PAPSS2: variants seen among roughly 807,000 people sequenced by gnomAD.
PAPSS2 encodes the protein 3'-phosphoadenosine 5'-phosphosulfate synthase 2, also known as bifunctional 3'-phosphoadenosine 5'-phosphosulfate synthase 2.
In PAPSS2, 61 loss-of-function variants were observed where a neutral mutation model predicts 66.5. The observed-to-expected ratio is 0.92, with a 90% CI of 0.75 to 1.14. The LOEUF (loss-of-function observed/expected upper bound fraction) is 1.14. Ranked by LOEUF, PAPSS2 falls within the 50% of genes most tolerant of loss-of-function variation. PAPSS2 has a pLI of 0.00. For missense variants in PAPSS2, 708 were observed against 789.6 expected (o/e 0.90, Z 1.24); for synonymous variants, 289 against 287.5 (o/e 1.01, Z -0.05).
chr10:87,684,935 CTCTG>C (rs1853069243), intron 1 of PAPSS2, among the ~76,000 whole-genome samples: 1 of 152,186 alleles, frequency 6.6e-6, no homozygotes, highest in African/African-American at 2.4e-5. Context: ...TTTGATCTGT[CTCTG>C]TCTTTCTTTT....
chr10:87,742,959 G>T (rs2131730733), intron 10 of PAPSS2, among the ~76,000 whole-genome samples: 1 of 152,318 alleles, frequency 6.6e-6, no homozygotes, highest in African/African-American at 2.4e-5. Context: ...AGAAGCCAGT[G>T]GATAGGCTGG....
intron 9 of PAPSS2, among the ~76,000 whole-genome samples, chr10:87,730,291 G>A (rs1046965627): frequency 1.3e-5 from 2 of 152,180 alleles, no homozygotes; most frequent in African/African-American, 4.8e-5. Flanking sequence ...GGGTAGAGAA[G>A]CTTATATACC....
chr10:87,736,073 G>C (rs1340560701), intron 9 of PAPSS2, among the ~76,000 whole-genome samples: 1 of 152,124 alleles, frequency 6.6e-6, no homozygotes, highest in Non-Finnish European at 1.5e-5. Flanking sequence ...AAAGGTACTT[G>C]GGGTTTGATT....
In PAPSS2 at chr10:87,745,853, C is replaced by A. The variant is rs1184863463; in HGVS notation, c.1743C>A (p.Ile581=). 1 of 1,613,950 alleles carries A rather than the reference C, an allele frequency of 6.2e-7. No homozygotes were observed. Among genetic ancestry groups the A allele is most frequent in the Non-Finnish European group, 8.5e-7 (1 of 1,179,984 alleles). The change falls in exon 13 of 13, where the codon ATC becomes ATA. Residue 581 remains isoleucine, a synonymous_variant. Transcript: ENST00000456849. The part of the protein sequence containing the change: ...DPARHNEFDF[I]SGTRMRKLAR... Reference sequence around the variant, plus strand: ...ACAGGCACAATGAGTTTGACTTCATCTCAGGAACTCGAATGAGGAAGCTCG... The same window carrying A: ...ACAGGCACAATGAGTTTGACTTCATATCAGGAACTCGAATGAGGAAGCTCG...
At chr10:87,683,058 CTTT>C (rs1170910049) in intron 1 of PAPSS2, among the ~76,000 whole-genome samples, 1 of 149,796 alleles carries the variant, frequency 6.7e-6, no homozygotes, top group Non-Finnish European at 1.5e-5. Flanking sequence ...TTTTCTTTTT[CTTT>C]TTTTTCTTTT....
At chr10:87,711,351 A>C (rs1853460858) in intron 2 of PAPSS2, among the ~76,000 whole-genome samples, 1 of 152,272 alleles carries the variant, frequency 6.6e-6, no homozygotes, top group Non-Finnish European at 1.5e-5. Flanking sequence ...GTGTTACCTC[A>C]ATGTATGAAA....
rs374296259 is a variant in PAPSS2, at chr10:87,686,990, A to C, written c.28-22206A>C. ...TAAATTTGAACTTCAGACAAACAAG[A>C]AATACTTTTTTGATATAAGTATGTC... On this transcript the variant is annotated intron_variant, in intron 1 of 12. Transcript: ENST00000456849. Among the ~76,000 whole-genome samples the C allele has an allele frequency of 6.6e-5, 10 of 152,332 alleles. 1 individual carries two copies. Among genetic ancestry groups the C allele is most frequent in the African/African-American group, 2.4e-4 (10 of 41,582 alleles).
In PAPSS2 at chr10:87,727,421, G is replaced by A. The variant is rs1412210375; in HGVS notation, c.1018G>A (p.Glu340Lys). ...TATCTTACGAGACGCTGAATTCTAT[G>A]AACACAGAAAAGAGGAACGCTGTTC... ...VAILRDAEFYEHRKEERCSRV... is the reference protein window; with the variant it reads ...VAILRDAEFYKHRKEERCSRV... The change falls in exon 9 of 13, where the codon GAA becomes AAA. Residue 340 changes from glutamate (E) to lysine (K), a missense_variant. By Grantham distance (56) the Glu-to-Lys change is moderately conservative. Coordinates refer to ENST00000456849, the MANE Select transcript of PAPSS2 (RefSeq NM_001015880.2). The A allele has an allele frequency of 1.9e-6, 3 of 1,614,106 alleles. No individual in the cohort carries two copies. Among genetic ancestry groups the A allele is most frequent in the Non-Finnish European group, 2.5e-6 (3 of 1,180,012 alleles).
intron 7 of PAPSS2, among the ~76,000 whole-genome samples, chr10:87,718,496 G>A (rs973688354): frequency 6.6e-6 from 1 of 152,204 alleles, no homozygotes; most frequent in African/African-American, 2.4e-5. Flanking sequence ...AAGCCTACTA[G>A]TTCCAAGCCC....
chr10:87,680,929 T>C (rs185728644), intron 1 of PAPSS2, among the ~76,000 whole-genome samples: 2 of 152,340 alleles, frequency 1.3e-5, no homozygotes, highest in Admixed American at 6.5e-5. Context: ...TTGTGTGCAA[T>C]TGGAATTTGT....
intron 9 of PAPSS2, among the ~76,000 whole-genome samples, chr10:87,738,476 A>G (rs548589140): frequency 6.6e-6 from 1 of 152,004 alleles, no homozygotes; most frequent in Admixed American, 6.6e-5. Flanking sequence ...TGACGCAATC[A>G]TGGCTCACTG....
chr10:87,744,787 T>C (rs1011260839), intron 11 of PAPSS2, among the ~76,000 whole-genome samples: 1 of 152,208 alleles, frequency 6.6e-6, no homozygotes, highest in South Asian at 2.1e-4. Context: ...CCTTGAGTTA[T>C]GAGGGAGGAA....
At chr10:87,744,109 AAAAG>A (rs1853908341) in intron 11 of PAPSS2, among the ~76,000 whole-genome samples, 1 of 152,186 alleles carries the variant, frequency 6.6e-6, no homozygotes, top group South Asian at 2.1e-4. Context: ...CTCAAAAAAA[AAAAG>A]AAAGATGCTA....
At chr10:87,734,533 C>CTCT (rs1173758990) in intron 9 of PAPSS2, among the ~76,000 whole-genome samples, 2 of 151,706 alleles carry the variant, frequency 1.3e-5, no homozygotes, top group Non-Finnish European at 2.9e-5. Flanking sequence ...TGCACTTGAA[C>CTCT]TCTGCCACTT....
At chr10:87,704,685 A>G (rs549957361) in intron 1 of PAPSS2, among the ~76,000 whole-genome samples, 178 of 152,310 alleles carry the variant, frequency 1.2e-3, no homozygotes, top group African/African-American at 4.2e-3. Flanking sequence ...TCTTTTGCCC[A>G]GGATGGAGTG....
intron 1 of PAPSS2, among the ~76,000 whole-genome samples, chr10:87,704,296 T>G (rs1421301973): frequency 1.3e-5 from 2 of 152,152 alleles, no homozygotes; most frequent in Non-Finnish European, 1.5e-5. Flanking sequence ...TATGTTAGAG[T>G]CATTCCTTCT....
intron 1 of PAPSS2, among the ~76,000 whole-genome samples, chr10:87,706,536 C>T (rs1441658227): frequency 1.3e-5 from 2 of 149,330 alleles, no homozygotes; most frequent in Non-Finnish European, 3.0e-5. Flanking sequence ...GTGGGAGTAT[C>T]ACTTGGGCCC....
intron 1 of PAPSS2, among the ~76,000 whole-genome samples, chr10:87,668,155 A>C (rs1267055507): frequency 6.6e-6 from 1 of 152,222 alleles, no homozygotes; most frequent in Non-Finnish European, 1.5e-5. Flanking sequence ...CAAAGTAAGC[A>C]ACTCAAGCAT....
chr10:87,730,934 T>G (rs1853720278), intron 9 of PAPSS2, among the ~76,000 whole-genome samples: 1 of 152,178 alleles, frequency 6.6e-6, no homozygotes, highest in Non-Finnish European at 1.5e-5. Flanking sequence ...AGTGCTGATG[T>G]AGGAGCTGCA....
Sources: gnomAD v4.1 joint callset for allele counts (sites outside exome capture counted in the v4.1 genomes callset) on GRCh38, gnomAD v4.1.1 for gene constraint, MANE v1.5 for transcripts, NCBI Gene and HGNC (gene_info 2026-07-23, HGNC 2026-07-21) for gene names.